Variants in COQ9 observed in about 807,000 individuals in gnomAD.
COQ9 encodes the protein coenzyme Q9.
Under a neutral mutation model 42.4 loss-of-function variants are expected in COQ9, and 35 were observed. The observed-to-expected ratio is 0.83, with a 90% CI of 0.63 to 1.10. The LOEUF (loss-of-function observed/expected upper bound fraction) is 1.10. Ranked by LOEUF, COQ9 falls within the 50% of genes least tolerant of loss-of-function variation. The pLI, the probability that COQ9 is intolerant of heterozygous loss-of-function variation, is 0.00. For synonymous variants in COQ9, 155 were observed against 155.1 expected, an observed-to-expected ratio of 1.00 and a Z score of 0.00; for missense variants, 406 against 414.6, an observed-to-expected ratio of 0.98 and a Z score of 0.18.
In COQ9 at chr16:57,452,514, C is replaced by T. The variant is rs112828335; in HGVS notation, c.243-287C>T. Among the ~76,000 whole-genome samples the T allele has an allele frequency of 7.8e-3, 1,195 of 152,254 alleles. 13 individuals carry two copies. The highest frequency in any genetic ancestry group is 0.027 in the African/African-American group (1,120 of 41,542). On this transcript the variant is annotated intron_variant, in intron 2 of 8. Coordinates refer to ENST00000262507, the MANE Select transcript of COQ9 (RefSeq NM_020312.4). The stretch of plus-strand genomic sequence containing the variant: ...AAAATTAGCCGGACATGGTGGCACA[C>T]GCCTGTAGTCTCATCGACTTAGGAG...
At chr16:57,453,094 C>A in intron 3 of COQ9, 158 bp downstream of exon 3, 1 of 903,298 alleles carries the variant, frequency 1.1e-6, no homozygotes. Context: ...GTGGAACTGG[C>A]TTTATTTTGT....
In COQ9 at chr16:57,456,539, C is replaced by T. The variant is rs780413033; in HGVS notation, c.414C>T (p.Phe138=). Residue 138 remains phenylalanine, a synonymous_variant, in exon 4 of 9, where the codon TTC becomes TTT. Transcript: ENST00000262507. The part of the protein sequence containing the change: ...LGLSSAAASM[F]GKDGSELILH... ...TCTCCAGTGCAGCAGCCAGCATGTTCGGGAAGGATGGCAGTGAGCTAATAC... is the reference window on the plus strand; with the variant it reads ...TCTCCAGTGCAGCAGCCAGCATGTTTGGGAAGGATGGCAGTGAGCTAATAC... 1.9e-5 allele frequency: 31 copies of T among 1,614,036 alleles called. No homozygotes were observed. Among genetic ancestry groups the T allele is most frequent in the African/African-American group, 4.0e-5 (3 of 74,908 alleles).
At chr16:57,450,163 C>T (rs1429224955) in intron 1 of COQ9, among the ~76,000 whole-genome samples, 1 of 152,070 alleles carries the variant, frequency 6.6e-6, no homozygotes, top group Non-Finnish European at 1.5e-5. Flanking sequence ...GCCTGTAATC[C>T]TAGCACTTTG....
chr16:57,450,923 T>G, intron 1 of COQ9, 117 bp from the exon 2 acceptor site: 1 of 1,122,556 alleles, frequency 8.9e-7, no homozygotes, highest in Non-Finnish European at 1.3e-6. Flanking sequence ...AACACTTGGA[T>G]AAGTGGTTCT....
At position 57,447,512 on chromosome 16, in the gene COQ9, G is replaced by A; in HGVS notation, c.7G>A (p.Ala3Thr). The A allele has an allele frequency of 7.6e-7, 1 of 1,308,464 alleles. No individual in the cohort carries two copies. Among genetic ancestry groups the A allele is most frequent in the Non-Finnish European group, 9.8e-7 (1 of 1,021,746 alleles). 81.1% of individuals were successfully genotyped at this position (1,308,464 alleles called of 1,614,324 possible). ...CGACGTGCCCGCTTCCAAAATGGCG[G>A]CGGCGGCGGTATCTGGTGCGCTTGG... Reference protein sequence around the residue: MAAAAVSGALGRA... With the variant: MATAAVSGALGRA... The change falls in exon 1 of 9, where the codon GCG becomes ACG. Residue 3 changes from alanine (A) to threonine (T), a missense_variant. By Grantham distance (58) the Ala-to-Thr change is moderately conservative. Transcript: ENST00000262507.
At chr16:57,453,587 A>G (rs1317984650) in intron 3 of COQ9, 2 of 157,034 alleles carry the variant, frequency 1.3e-5, no homozygotes, top group African/African-American at 4.8e-5. Context: ...GGCTTGCTGC[A>G]GGGCATCTAC....
rs1598040975 is a variant in COQ9 at position 57,461,066 on chromosome 16, A to G, written c.*442A>G. On this transcript the variant is annotated 3_prime_UTR_variant, in exon 9 of 9. Coordinates refer to ENST00000262507, the MANE Select transcript of COQ9 (RefSeq NM_020312.4). Reference sequence around the variant, plus strand: ...CAGCACAGCACAGGCGTGTGCACACAGAGGTGTTCCTTGCAGCCCCCTCCC... The same window carrying G: ...CAGCACAGCACAGGCGTGTGCACACGGAGGTGTTCCTTGCAGCCCCCTCCC... 9.2e-6 allele frequency: 4 copies of G among 436,452 alleles called. No individual in the cohort carries two copies. Among genetic ancestry groups the G allele is most frequent in the East Asian group, 1.4e-4 (2 of 14,162 alleles). The allele number at this position is 436,452 out of a possible 1,614,324, so 27.0% of individuals were successfully genotyped here.
chr16:57,447,608 G>T, intron 1 of COQ9, 30 bp downstream of exon 1: 1 of 1,245,138 alleles, frequency 8.0e-7, no homozygotes, highest in Non-Finnish European at 1.0e-6. Context: ...GGGGAGAGGC[G>T]GGGAGCGCGG....
Position 57,460,665 on chromosome 16 carries a change from C to G in COQ9, c.*41C>G, listed in dbSNP as rs202149493. The G allele has an allele frequency of 1.3e-6, 2 of 1,585,082 alleles. No homozygotes were observed. The highest frequency in any genetic ancestry group is 2.7e-5 in the African/African-American group (2 of 74,224). On this transcript the variant is annotated 3_prime_UTR_variant, in exon 9 of 9. Coordinates refer to ENST00000262507, the MANE Select transcript of COQ9 (RefSeq NM_020312.4). ...GCTACAATGCCTAGAAGAGAATGAG[C>G]GGACAGATTGAAAGAGCTTTGAAAA...
intron 8 of COQ9, 59 bp from the exon 9 acceptor site, chr16:57,460,530 T>G (rs1334571920): frequency 2.0e-6 from 3 of 1,523,440 alleles, no homozygotes; most frequent in Non-Finnish European, 2.7e-6. Context: ...GTCTTTTCTA[T>G]TAGAGTCTAG....
chr16:57,458,224 T>G, intron 5 of COQ9, 22 bp from the exon 6 acceptor site: 1 of 1,542,052 alleles, frequency 6.5e-7, no homozygotes, highest in Non-Finnish European at 8.9e-7. Flanking sequence ...CAGAGCTTAC[T>G]CCTCTGCCAT....
Position 57,460,757 on chromosome 16 carries a change from C to T in COQ9, c.*133C>T, listed in dbSNP as rs1248314832. 5 of 821,210 alleles carry T rather than the reference C, an allele frequency of 6.1e-6. No homozygotes were observed. The highest frequency in any genetic ancestry group is 1.7e-5 in the African/African-American group (1 of 58,734). 50.9% of individuals were successfully genotyped at this position (821,210 alleles called of 1,614,324 possible). A position where few individuals can be genotyped will look rare whatever the true frequency, so the allele number is the denominator to read the frequency against. ...CACTAAAGGACTCCTGAGTCACTAC[C>T]ACAGCCACCTGGAAACCACAAGGCA... On this transcript the variant is annotated 3_prime_UTR_variant, in exon 9 of 9. Coordinates refer to ENST00000262507, the MANE Select transcript of COQ9 (RefSeq NM_020312.4).
intron 8 of COQ9, 43 bp from the exon 9 acceptor site, chr16:57,460,546 A>C: frequency 6.3e-7 from 1 of 1,599,218 alleles, no homozygotes; most frequent in Non-Finnish European, 8.6e-7. Context: ...TCTAGAGGCA[A>C]GGTAAGCCCT....
intron 1 of COQ9, among the ~76,000 whole-genome samples, chr16:57,448,210 C>T (rs1451885799): frequency 1.3e-5 from 2 of 152,134 alleles, no homozygotes; most frequent in East Asian, 1.9e-4. Context: ...TTCTCATGAC[C>T]CTCAGTGGTA....
chr16:57,453,273 T>C (rs2030329790), intron 3 of COQ9: 1 of 388,434 alleles, frequency 2.6e-6, no homozygotes, highest in Admixed American at 3.8e-5. Flanking sequence ...GAAAACATAC[T>C]GCCCTTCGAA....
chr16:57,460,029 A>G (rs1275937998), intron 7 of COQ9, 22 bp from the exon 8 acceptor site: 1 of 1,613,494 alleles, frequency 6.2e-7, no homozygotes, highest in East Asian at 2.2e-5. Context: ...GCCTAAGGGA[A>G]CCTGACACTG....
chr16:57,451,419 G>A (rs770648898), intron 2 of COQ9, among the ~76,000 whole-genome samples: 9 of 152,056 alleles, frequency 5.9e-5, no homozygotes, highest in East Asian at 1.9e-4. Flanking sequence ...GCTGTCCTCC[G>A]CCTAGATCTC....
chr16:57,447,726 G>A (rs2030161957), intron 1 of COQ9, 148 bp downstream of exon 1: 2 of 611,310 alleles, frequency 3.3e-6, no homozygotes, highest in Admixed American at 4.4e-5. Context: ...GCTCGGGCGA[G>A]CCGCCTGGCT....
chr16:57,453,784 A>C (rs1348885406), intron 3 of COQ9: 1 of 152,284 alleles, frequency 6.6e-6, no homozygotes, highest in Admixed American at 6.5e-5. Flanking sequence ...TGTAGAAAAC[A>C]CCTATAATCA....
Sources: gnomAD v4.1 joint callset for allele counts (sites outside exome capture counted in the v4.1 genomes callset) on GRCh38, gnomAD v4.1.1 for gene constraint, MANE v1.5 for transcripts, NCBI Gene and HGNC (gene_info 2026-07-23, HGNC 2026-07-21) for gene names.